SPATA16: variants seen among roughly 807,000 people sequenced by gnomAD.
SPATA16 encodes the protein spermatogenesis-associated protein 16.
Under a neutral mutation model 63.3 loss-of-function variants are expected in SPATA16, and 36 were observed. The ratio of observed to expected loss-of-function variants is 0.57; its 90% CI spans 0.44 to 0.75. The LOEUF is 0.75. SPATA16 is among the 30% of genes least tolerant of loss of function. The pLI is 0.00. For synonymous variants in SPATA16, 203 were observed against 216.7 expected (o/e 0.94, Z 0.56); for missense variants, 646 against 679.3 (o/e 0.95, Z 0.54).
At chr3:172,986,963 A>G (rs749542741) in intron 4 of SPATA16, among the ~76,000 whole-genome samples, 1 of 152,206 alleles carries the variant, frequency 6.6e-6, no homozygotes, top group African/African-American at 2.4e-5. Context: ...CTAACAAGGA[A>G]TGTGAGAAGA....
chr3:172,960,893 C>CTTTCTTTCTTTCTTTCTTTCTTT (rs1441747138), intron 5 of SPATA16, among the ~76,000 whole-genome samples: 2 of 147,818 alleles, frequency 1.4e-5, no homozygotes, highest in Non-Finnish European at 1.5e-5. Flanking sequence ...TTCTCTCTCT[C>CTTTCTTTCTTTCTTTCTTTCTTT]CTTCCTTCCT....
At chr3:172,927,831 T>C (rs1732775780) in intron 6 of SPATA16, among the ~76,000 whole-genome samples, 1 of 152,192 alleles carries the variant, frequency 6.6e-6, no homozygotes, top group Non-Finnish European at 1.5e-5. Context: ...TACTAAATGC[T>C]GAAGAGTTCC....
At chr3:173,028,628 A>G (rs1300426017) in intron 3 of SPATA16, among the ~76,000 whole-genome samples, 2 of 152,096 alleles carry the variant, frequency 1.3e-5, no homozygotes, top group African/African-American at 4.8e-5. Flanking sequence ...TTTTATAAAG[A>G]TAATCATGGC....
intron 2 of SPATA16, among the ~76,000 whole-genome samples, chr3:173,074,285 G>A (rs1389188235): frequency 1.3e-5 from 2 of 152,152 alleles, no homozygotes; most frequent in Non-Finnish European, 2.9e-5. Flanking sequence ...TCAAATGTGA[G>A]GACATGAGAT....
At chr3:172,960,197 A>G (rs1389532128) in intron 5 of SPATA16, among the ~76,000 whole-genome samples, 7 of 152,218 alleles carry the variant, frequency 4.6e-5, no homozygotes, top group Non-Finnish European at 7.3e-5. Flanking sequence ...AAGCTATACT[A>G]AAAATGGAAG....
intron 1 of SPATA16, among the ~76,000 whole-genome samples, chr3:173,127,316 G>A (rs554454417): frequency 6.6e-6 from 1 of 152,236 alleles, no homozygotes; most frequent in African/African-American, 2.4e-5. Flanking sequence ...CTAAGACTGA[G>A]GATATTTCGT....
intron 6 of SPATA16, among the ~76,000 whole-genome samples, chr3:172,949,141 C>G (rs1462222632): frequency 6.6e-6 from 1 of 151,904 alleles, no homozygotes; most frequent in Non-Finnish European, 1.5e-5. Context: ...GATGTTTACT[C>G]CATAATAAAT....
At chr3:172,948,358 A>G (rs1394453058) in intron 6 of SPATA16, among the ~76,000 whole-genome samples, 1 of 152,232 alleles carries the variant, frequency 6.6e-6, no homozygotes, top group East Asian at 1.9e-4. Flanking sequence ...AAAGTATTTT[A>G]CCCTAGAATA....
intron 2 of SPATA16, among the ~76,000 whole-genome samples, chr3:173,062,043 CATTTTT>C (rs1356139198): frequency 8.6e-6 from 1 of 116,830 alleles, no homozygotes; most frequent in African/African-American, 3.7e-5. Flanking sequence ...TGTGCTTCAA[CATTTTT>C]TTTTTTTTTT....
intron 2 of SPATA16, among the ~76,000 whole-genome samples, chr3:173,093,157 CTA>C (rs942006941): frequency 2.0e-5 from 3 of 151,760 alleles, no homozygotes; most frequent in African/African-American, 7.3e-5. Flanking sequence ...AATTCTAAGA[CTA>C]TGTTCTTCTT....
intron 2 of SPATA16, among the ~76,000 whole-genome samples, chr3:173,082,415 C>T (rs1577165077): frequency 6.6e-6 from 1 of 152,192 alleles, no homozygotes; most frequent in East Asian, 1.9e-4. Context: ...GCCCCTTACC[C>T]TTCCTTCCCG....
intron 4 of SPATA16, among the ~76,000 whole-genome samples, chr3:172,984,154 G>A (rs1393215981): frequency 2.0e-5 from 3 of 151,884 alleles, no homozygotes; most frequent in Non-Finnish European, 4.4e-5. Context: ...TTAGTTTCTT[G>A]GGTACACAAG....
At chr3:172,969,363 A>G (rs1205566069) in intron 5 of SPATA16, among the ~76,000 whole-genome samples, 1 of 152,178 alleles carries the variant, frequency 6.6e-6, no homozygotes, top group Non-Finnish European at 1.5e-5. Flanking sequence ...AGGTCATCCA[A>G]TGTCATACCT....
chr3:173,052,926 C>T (rs1180385488), intron 2 of SPATA16, among the ~76,000 whole-genome samples: 1 of 151,136 alleles, frequency 6.6e-6, no homozygotes, highest in African/African-American at 2.4e-5. Context: ...TAGGAGTTAA[C>T]TTTTTATTTC....
intron 3 of SPATA16, among the ~76,000 whole-genome samples, chr3:173,032,362 A>G (rs945754913): frequency 6.6e-6 from 1 of 152,164 alleles, no homozygotes; most frequent in African/African-American, 2.4e-5. Flanking sequence ...AGTCAGAAAG[A>G]AATGTTATAT....
intron 4 of SPATA16, among the ~76,000 whole-genome samples, chr3:172,978,876 T>A (rs1734229403): frequency 1.3e-5 from 2 of 152,220 alleles, no homozygotes; most frequent in African/African-American, 4.8e-5. Flanking sequence ...TGGGTTAGTT[T>A]AACTCTAAAA....
At chr3:172,905,565 T>C (rs139766175) in intron 10 of SPATA16, among the ~76,000 whole-genome samples, 15 of 152,310 alleles carry the variant, frequency 9.8e-5, no homozygotes, top group African/African-American at 3.4e-4. Context: ...TTTGCCTACC[T>C]CAACAGTCTT....
At chr3:172,966,846 G>A (rs1733929462) in intron 5 of SPATA16, among the ~76,000 whole-genome samples, 1 of 152,070 alleles carries the variant, frequency 6.6e-6, no homozygotes, top group East Asian at 1.9e-4. Context: ...TGATTTCATG[G>A]AATAGTTATT....
At chr3:172,961,052 T>C (rs866248987) in intron 5 of SPATA16, among the ~76,000 whole-genome samples, 2,230 of 76,390 alleles carry the variant, frequency 0.029, 134 homozygotes, top group African/African-American at 0.1. Flanking sequence ...TTCTTTCTTC[T>C]TTCTTTCTTT....
Sources: allele counts gnomAD v4.1 joint callset (sites outside exome capture counted in the v4.1 genomes callset), GRCh38; gene constraint gnomAD v4.1.1; transcripts MANE v1.5; gene names NCBI Gene and HGNC (gene_info 2026-07-23, HGNC 2026-07-21).